The following YLPM1 variants were observed in gnomAD, a reference collection of about 807,000 sequenced individuals.
The protein encoded by YLPM1 is YLP motif-containing protein 1.
YLPM1 carries 99 observed loss-of-function variants against 230.0 expected under a neutral mutation model. The observed-to-expected ratio is 0.43, with a 90% CI of 0.37 to 0.51. YLPM1 has a LOEUF of 0.51. Ranked by LOEUF, YLPM1 falls within the 20% of genes least tolerant of loss-of-function variation. YLPM1 has a pLI of 0.00. For synonymous variants in YLPM1, 984 were observed against 942.5 expected, an observed-to-expected ratio of 1.04 and a Z score of -0.81; for missense variants, 2,592 against 2,707.7, an observed-to-expected ratio of 0.96 and a Z score of 0.95.
intron 18 of YLPM1, 55 bp from the exon 19 acceptor site, chr14:74,829,158 T>C (rs2091589286): frequency 6.2e-7 from 1 of 1,603,126 alleles, no homozygotes; most frequent in Non-Finnish European, 8.5e-7. Context: ...TGTGTGTGTG[T>C]CGTGTGCAAA....
In YLPM1 at chr14:74,824,319, C is replaced by T. The variant is rs776022538; in HGVS notation, c.6163+12C>T. On this transcript the variant is annotated intron_variant, in intron 18 of 20. Coordinates refer to ENST00000325680, the MANE Select transcript of YLPM1 (RefSeq NM_019589.3). ...TGAGGCAAAGCTAGGTGGGTATTTC[C>T]TTTTTCCTGTTTTTATATGTGATAC... The T allele has an allele frequency of 6.2e-7, 1 of 1,611,210 alleles. No homozygotes were observed.
chr14:74,807,997 A>G (rs754885093), intron 6 of YLPM1, among the ~76,000 whole-genome samples: 7 of 152,178 alleles, frequency 4.6e-5, no homozygotes, highest in Non-Finnish European at 1.0e-4. Flanking sequence ...AAAATTTTGA[A>G]TTACTGGTGG....
intron 17 of YLPM1, among the ~76,000 whole-genome samples, chr14:74,823,295 A>G (rs1250733197): frequency 6.6e-6 from 1 of 152,116 alleles, no homozygotes; most frequent in Non-Finnish European, 1.5e-5. Flanking sequence ...GAGGATACTG[A>G]CACCTTTGAT....
At chr14:74,780,681 A>G in intron 3 of YLPM1, 97 bp downstream of exon 3, 1 of 1,486,938 alleles carries the variant, frequency 6.7e-7, no homozygotes, top group Non-Finnish European at 9.0e-7. Flanking sequence ...AAAAGATACC[A>G]ACTGTTGACA....
At chr14:74,821,173 T>C (rs1594843202) in intron 17 of YLPM1, 36 bp downstream of exon 17, 1 of 1,517,878 alleles carries the variant, frequency 6.6e-7, no homozygotes, top group Non-Finnish European at 8.8e-7. Flanking sequence ...ACAGTGTCTC[T>C]TTATTAAAAT....
intron 1 of YLPM1, among the ~76,000 whole-genome samples, chr14:74,771,063 G>A (rs2090972296): frequency 6.6e-6 from 1 of 152,170 alleles, no homozygotes; most frequent in South Asian, 2.1e-4. Context: ...TTTCTGGGCT[G>A]GGCCGTAGGG....
At chr14:74,782,375 C>G (rs1206889843) in intron 4 of YLPM1, 50 bp downstream of exon 4, 4 of 1,483,310 alleles carry the variant, frequency 2.7e-6, no homozygotes, top group Non-Finnish European at 1.8e-6. Flanking sequence ...ATTTTATTGA[C>G]TTAGGCTATT....
At position 74,778,514 on chromosome 14, in the gene YLPM1, C is replaced by T; in HGVS notation, c.941C>T (p.Pro314Leu). 6.2e-7 allele frequency: 1 copy of T among 1,608,404 alleles called. No homozygotes were observed. Residue 314 changes from proline to leucine, a missense_variant, in exon 2 of 21, where the codon CCA becomes CTA. By Grantham distance (98) the Pro-to-Leu change is moderately conservative. Coordinates refer to ENST00000325680, the MANE Select transcript of YLPM1 (RefSeq NM_019589.3). Reference protein sequence around the residue: ...SLQQRTKVHLPGHKKGPVVAK... With the variant: ...SLQQRTKVHLLGHKKGPVVAK... The stretch of plus-strand genomic sequence containing the variant: ...CAACAGAGGACAAAAGTTCATTTGC[C>T]AGGACACAAAAAGGGTCCTGTGGTA...
rs544827588 is a variant in YLPM1 at position 74,776,238 on chromosome 14, T to C, written c.874-2209T>C. Among the ~76,000 whole-genome samples, 152 of 152,350 alleles carry C rather than the reference T, an allele frequency of 1.0e-3. 1 individual carries two copies. Among genetic ancestry groups the C allele is most frequent in the Middle Eastern group, 3.4e-3 (1 of 294 alleles). ...AGATTTTTAAACTCACCACAGACAC[T>C]GAATTAGTGAATACTGAACCAGTGC... On this transcript the variant is annotated intron_variant, in intron 1 of 20. Coordinates refer to ENST00000325680, the MANE Select transcript of YLPM1 (RefSeq NM_019589.3).
rs1261062580 is a variant in YLPM1 at position 74,810,011 on chromosome 14, C to G, written c.5032+9C>G. 1 of 1,588,924 alleles carries G rather than the reference C, an allele frequency of 6.3e-7. No individual in the cohort carries two copies. The highest frequency in any genetic ancestry group is 8.6e-7 in the Non-Finnish European group (1 of 1,167,810). ...ATCAACTTTTGAGACAGGTAGGATT[C>G]CCAGAGAGGTCAGTATTTTTAAACA... On this transcript the variant is annotated intron_variant, in intron 8 of 20. Transcript: ENST00000325680.
chr14:74,798,556 G>A lies in YLPM1; in HGVS notation c.3259G>A (p.Gly1087Arg). 6.2e-7 allele frequency: 1 copy of A among 1,613,894 alleles called. No individual in the cohort carries two copies. Among genetic ancestry groups the A allele is most frequent in the Non-Finnish European group, 8.5e-7 (1 of 1,179,850 alleles). ...GSRDRGLVRP[G>R]SSREKVPGGL... ...CCGGGACAGAGGGTTGGTGAGGCCT[G>A]GAAGCAGTCGGGAGAAAGTGCCAGG... Residue 1087 changes from glycine (G) to arginine (R), a missense_variant, in exon 5 of 21, where the codon GGA (glycine) becomes AGA (arginine). By Grantham distance (125) the Gly-to-Arg change is moderately radical (BLOSUM62 -2). This residue lies in a region of YLPM1 where 1,862 missense variants were observed against 1,819.8 expected (regional missense o/e 1.02). Transcript: ENST00000325680.
Position 74,835,770 on chromosome 14 carries a change from T to C in YLPM1, c.*37-5T>C, listed in dbSNP as rs1483169646. ...AGGTGTGACAGCCTTTTCTTTTCTTTCCAGGTGGTTCGCTTTGAGGTGGTC... is the reference window on the plus strand; with the variant it reads ...AGGTGTGACAGCCTTTTCTTTTCTTCCCAGGTGGTTCGCTTTGAGGTGGTC... On this transcript the variant is annotated splice_region_variant and splice_polypyrimidine_tract_variant and intron_variant, in intron 20 of 20. Transcript: ENST00000325680. The C allele has an allele frequency of 4.5e-6, 2 of 439,996 alleles. No individual in the cohort carries two copies. Among genetic ancestry groups the C allele is most frequent in the Admixed American group, 2.7e-5 (1 of 36,694 alleles). 27.3% of individuals were successfully genotyped at this position (439,996 alleles called of 1,614,324 possible). A position where few individuals can be genotyped will look rare whatever the true frequency, so the allele number is the denominator to read the frequency against.
At position 74,834,538 on chromosome 14, in the gene YLPM1, C is replaced by T. The variant is rs1047746946; in HGVS notation, c.6295-727C>T. Among the ~76,000 whole-genome samples, 11 of 151,850 alleles carry T rather than the reference C, an allele frequency of 7.2e-5. No individual in the cohort carries two copies. The East Asian group carries it at 1.2e-3, about 16-fold the overall frequency. ...GTTCAAAAGCAGACATATCAAAATC[C>T]GGAAGTTAACTGTGGAAAGCAGTGA... On this transcript the variant is annotated intron_variant, in intron 19 of 20. Transcript: ENST00000325680.
chr14:74,817,337 G>A, intron 15 of YLPM1, 60 bp downstream of exon 15: 1 of 1,459,314 alleles, frequency 6.9e-7, no homozygotes, highest in Non-Finnish European at 9.3e-7. Flanking sequence ...TGATGTTTTG[G>A]TTAAGGAAGG....
rs1378078531 is a variant in YLPM1, at chr14:74,829,265, C to A, written c.6216C>A (p.Ala2072=). 1.9e-6 allele frequency: 3 copies of A among 1,613,166 alleles called. No individual in the cohort carries two copies. The highest frequency in any genetic ancestry group is 1.3e-5 in the African/African-American group (1 of 74,838). The change falls in exon 19 of 21, where the codon GCC becomes GCA. Residue 2072 remains alanine (A), a synonymous_variant. Coordinates refer to ENST00000325680, the MANE Select transcript of YLPM1 (RefSeq NM_019589.3). ...TGTKRKRDWE[A]IASRMEDYLQ... ...CTAAAAGGAAACGTGACTGGGAGGC[C>A]ATTGCCAGCAGAATGGAGGATTATC...
At chr14:74,779,006 A>G (rs774724947) in intron 2 of YLPM1, among the ~76,000 whole-genome samples, 12 of 151,926 alleles carry the variant, frequency 7.9e-5, no homozygotes, top group Non-Finnish European at 1.2e-4. Flanking sequence ...ATGACCGGCT[A>G]ATTTTTGTAT....
intron 19 of YLPM1, among the ~76,000 whole-genome samples, chr14:74,833,685 T>A (rs768944777): frequency 1.3e-5 from 2 of 152,222 alleles, no homozygotes; most frequent in Non-Finnish European, 2.9e-5. Context: ...GCCATAGGTT[T>A]TCTATACACT....
chr14:74,769,851 A>ACCCCCC (rs113231747), intron 1 of YLPM1, among the ~76,000 whole-genome samples: 2 of 76,784 alleles, frequency 2.6e-5, no homozygotes, highest in African/African-American at 4.7e-5. Flanking sequence ...AAAGTGAGAC[A>ACCCCCC]CCCCCCCCCC....
rs529723675 is a variant in YLPM1 at position 74,799,438 on chromosome 14, G to C, written c.4141G>C (p.Asp1381His). Residue 1381 changes from aspartate (D) to histidine (H), a missense_variant, in exon 5 of 21, where the codon GAT becomes CAT. This residue lies in a region of YLPM1 where 1,862 missense variants were observed against 1,819.8 expected (regional missense o/e 1.02). Transcript: ENST00000325680. Reference sequence around the variant, plus strand: ...GATTCGAGAGTATCCAGAAAGAGGAGATACATGGCGGGAAAAGCGAGATTA... The same window carrying C: ...GATTCGAGAGTATCCAGAAAGAGGACATACATGGCGGGAAAAGCGAGATTA... Reference protein sequence around the residue: ...LRIREYPERGDTWREKRDYVP... With the variant: ...LRIREYPERGHTWREKRDYVP... The C allele has an allele frequency of 6.2e-7, 1 of 1,614,006 alleles. No homozygotes were observed. Among genetic ancestry groups the C allele is most frequent in the East Asian group, 2.2e-5 (1 of 44,880 alleles).
Sources: allele counts gnomAD v4.1 joint callset (sites outside exome capture counted in the v4.1 genomes callset), GRCh38; gene constraint gnomAD v4.1.1; regional missense constraint gnomAD v4.1.1; transcripts MANE v1.5; gene names NCBI Gene and HGNC (gene_info 2026-07-23, HGNC 2026-07-21).